Variants in MPDZ observed in about 807,000 individuals in gnomAD.
MPDZ encodes the protein multiple PDZ domain crumbs cell polarity complex component.
MPDZ carries 234 observed loss-of-function variants against 239.1 expected under a neutral mutation model. That is an observed-to-expected ratio of 0.98 (90% CI 0.88 to 1.09). MPDZ has a LOEUF of 1.09. Ranked by LOEUF, MPDZ falls within the 50% of genes least tolerant of loss-of-function variation. MPDZ has a pLI of 0.00. For synonymous variants in MPDZ, 1,048 were observed against 881.3 expected (o/e 1.19, Z -3.35); for missense variants, 3,175 against 2,510.0 (o/e 1.26, Z -5.66).
At chr9:13,251,709 A>T (rs943117226) in intron 1 of MPDZ, among the ~76,000 whole-genome samples, 1 of 152,234 alleles carries the variant, frequency 6.6e-6, no homozygotes, top group African/African-American at 2.4e-5. Context: ...AGATGAGCAG[A>T]TCTACAGAGC....
At chr9:13,217,029 TAA>T (rs1958436182) in intron 9 of MPDZ, 149 bp downstream of exon 9, 3 of 776,162 alleles carry the variant, frequency 3.9e-6, no homozygotes, top group South Asian at 3.7e-5. Flanking sequence ...AAATACAATA[TAA>T]GAGTCACCTA....
intron 1 of MPDZ, among the ~76,000 whole-genome samples, chr9:13,275,697 G>A (rs959177753): frequency 1.3e-5 from 2 of 152,152 alleles, no homozygotes; most frequent in Admixed American, 6.5e-5. Context: ...ATGTGACTTG[G>A]GTTATTGGAA....
chr9:13,242,215 C>CTTTTTTT (rs145555644), intron 3 of MPDZ, among the ~76,000 whole-genome samples: 2 of 50,790 alleles, frequency 3.9e-5, no homozygotes, highest in African/African-American at 8.3e-5. Context: ...TGTTAGGATG[C>CTTTTTTT]TTTTTTTTTT....
At chr9:13,155,774 T>A (rs1395906638) in intron 24 of MPDZ, among the ~76,000 whole-genome samples, 2 of 152,198 alleles carry the variant, frequency 1.3e-5, no homozygotes, top group Non-Finnish European at 2.9e-5. Flanking sequence ...ACTCCTAATT[T>A]ATTAAAAGCT....
chr9:13,213,540 CA>C (rs1242471282), intron 10 of MPDZ, among the ~76,000 whole-genome samples: 1 of 151,938 alleles, frequency 6.6e-6, no homozygotes, highest in African/African-American at 2.4e-5. Context: ...CAAAAGTCCA[CA>C]AGATGGTGAT....
chr9:13,181,173 C>G (rs555288327), intron 19 of MPDZ, among the ~76,000 whole-genome samples: 1 of 152,144 alleles, frequency 6.6e-6, no homozygotes, highest in Non-Finnish European at 1.5e-5. Context: ...CTGAGATCCT[C>G]ACATTCTATT....
intron 37 of MPDZ, 41 bp downstream of exon 37, chr9:13,122,046 T>C: frequency 6.2e-7 from 1 of 1,609,918 alleles, no homozygotes; most frequent in Non-Finnish European, 8.5e-7. Context: ...CAGGAGCCTT[T>C]TCTCTGTTAA....
At chr9:13,119,762 A>T in intron 38 of MPDZ, 113 bp from the exon 39 acceptor site, 1 of 1,262,942 alleles carries the variant, frequency 7.9e-7, no homozygotes, top group Non-Finnish European at 1.1e-6. Context: ...ATGACTTTAA[A>T]AGTTTTGTTA....
In MPDZ at chr9:13,168,566, T is replaced by C. The variant is rs767539728; in HGVS notation, c.3056-2A>G. Reference sequence around the variant, plus strand: ...CTTTATTAGCACTAACTGTCATTCCTACAGGAAAAGAGAAATGCAAATATA... The same window carrying C: ...CTTTATTAGCACTAACTGTCATTCCCACAGGAAAAGAGAAATGCAAATATA... On this transcript the variant is annotated splice_acceptor_variant, in intron 21 of 46. Transcript: ENST00000319217. LOFTEE classifies it high-confidence loss of function. The C allele has an allele frequency of 3.9e-6, 6 of 1,557,010 alleles. No individual in the cohort carries two copies. The African/African-American group carries it at 6.9e-5, about 18-fold the overall frequency.
In MPDZ at chr9:13,122,111, G is replaced by C. The variant is rs567581836; in HGVS notation, c.5013C>G (p.Leu1671=). ...CCTCTAAGATCTGATCTCCAGCCCA[G>C]AGTCTTCCATCTTTACATGCTGCTC... The part of the protein sequence containing the change: ...EEGAACKDGR[L]WAGDQILEVN... The change falls in exon 37 of 47, where the codon CTC becomes CTG. Residue 1671 remains leucine (L), a synonymous_variant. Transcript: ENST00000319217. 3 of 1,613,884 alleles carry C rather than the reference G, an allele frequency of 1.9e-6. No homozygotes were observed. Among genetic ancestry groups the C allele is most frequent in the East Asian group, 2.2e-5 (1 of 44,890 alleles).
chr9:13,144,935 G>A (rs1486577283), intron 26 of MPDZ, among the ~76,000 whole-genome samples: 1 of 152,094 alleles, frequency 6.6e-6, no homozygotes, highest in African/African-American at 2.4e-5. Flanking sequence ...CAATGCTATG[G>A]AAGGTGGAGA....
chr9:13,158,863 G>A (rs1587363886), intron 23 of MPDZ, among the ~76,000 whole-genome samples: 2 of 152,278 alleles, frequency 1.3e-5, no homozygotes, highest in Admixed American at 6.5e-5. Context: ...GGAATACTTT[G>A]TATCAATAAA....
At chr9:13,219,412 T>G (rs775590790) in intron 8 of MPDZ, 147 bp downstream of exon 8, 2 of 709,812 alleles carry the variant, frequency 2.8e-6, no homozygotes, top group Non-Finnish European at 4.7e-6. Context: ...ATATCATTAG[T>G]GCTAAAGCAT....
chr9:13,140,061 C>T lies in MPDZ; in HGVS notation c.3929G>A (p.Ser1310Asn). The part of the protein sequence containing the change: ...PPPSAFAEMG[S>N]DHTQSSASKI... ...GCTTGCAGATGACTGTGTGTGATCA[C>T]TACCCATTTCGGCAAAGGCTGAAGG... The change falls in exon 28 of 47, where the codon AGT (serine) becomes AAT (asparagine). Residue 1310 changes from serine to asparagine, a missense_variant. Transcript: ENST00000319217. 2 of 1,613,436 alleles carry T rather than the reference C, an allele frequency of 1.2e-6. No individual in the cohort carries two copies. The highest frequency in any genetic ancestry group is 1.7e-6 in the Non-Finnish European group (2 of 1,179,746).
intron 28 of MPDZ, chr9:13,139,763 G>C: frequency 5.6e-6 from 3 of 537,856 alleles, no homozygotes; most frequent in South Asian, 1.9e-5. Flanking sequence ...ACAAAAGGCA[G>C]AGTGAGCTTT....
chr9:13,139,255 A>G (rs970382811), intron 28 of MPDZ, among the ~76,000 whole-genome samples: 3 of 152,228 alleles, frequency 2.0e-5, no homozygotes, highest in Non-Finnish European at 4.4e-5. Flanking sequence ...AGCTTTCTTA[A>G]AGGAAATAAT....
chr9:13,194,630 T>C (rs1831533), intron 13 of MPDZ, among the ~76,000 whole-genome samples: 151,643 of 152,144 alleles, frequency 1, 75,572 homozygotes, highest in Middle Eastern at 1. Flanking sequence ...GGTTGACAGG[T>C]GCAGCAAACC....
At chr9:13,236,285 T>A (rs1332660348) in intron 3 of MPDZ, among the ~76,000 whole-genome samples, 1 of 44,856 alleles carries the variant, frequency 2.2e-5, no homozygotes, top group Non-Finnish European at 5.0e-5. Flanking sequence ...TTTTTTTTTT[T>A]TTTTTTTTTG....
intron 24 of MPDZ, among the ~76,000 whole-genome samples, chr9:13,152,979 C>T (rs1204026562): frequency 1.3e-5 from 2 of 152,082 alleles, no homozygotes; most frequent in Admixed American, 1.3e-4. Flanking sequence ...CGAAACAGAA[C>T]TTTAAGGAGA....
Sources: gnomAD v4.1 joint callset for allele counts (sites outside exome capture counted in the v4.1 genomes callset) on GRCh38, gnomAD v4.1.1 for gene constraint, MANE v1.5 for transcripts, NCBI Gene and HGNC (gene_info 2026-07-23, HGNC 2026-07-21) for gene names.